The following ATP1A4 variants were observed in gnomAD, a reference collection of about 807,000 sequenced individuals.
The protein encoded by ATP1A4 is ATPase Na+/K+ transporting subunit alpha 4.
In ATP1A4, 90 loss-of-function variants were observed where a neutral mutation model predicts 114.3. That is an observed-to-expected ratio of 0.79 (90% CI 0.66 to 0.94). The LOEUF is 0.94. Among genes scored for constraint, ATP1A4 ranks in the 40% least tolerant of loss-of-function variants. The pLI, the probability that ATP1A4 is intolerant of heterozygous loss-of-function variation, is 0.00. For missense variants in ATP1A4, 1,222 were observed against 1,313.6 expected (o/e 0.93, Z 1.08); for synonymous variants, 511 against 494.1 (o/e 1.03, Z -0.45).
At chr1:160,171,500 G>C in intron 11 of ATP1A4, 60 bp downstream of exon 11, 1 of 1,601,122 alleles carries the variant, frequency 6.2e-7, no homozygotes, top group Non-Finnish European at 8.5e-7. Context: ...TTATCCCTGG[G>C]GTGAGAAATC....
chr1:160,163,528 G>A (rs757917373), intron 6 of ATP1A4, among the ~76,000 whole-genome samples: 4 of 152,118 alleles, frequency 2.6e-5, no homozygotes, highest in Non-Finnish European at 5.9e-5. Flanking sequence ...GATATTACAA[G>A]GATACAGATG....
chr1:160,177,655 A>G lies in ATP1A4; in HGVS notation c.2727A>G (p.Gly909=), dbSNP rs1313317930. ...TGAATGACCTGGAGGACAGCTACGG[A>G]CAGCAGTGGGTGAGTAGAAGGGATA... is the stretch of plus-strand genomic sequence containing the variant. ...KYLNDLEDSY[G]QQWTYEQRKV... The change falls in exon 18 of 22, where the codon GGA becomes GGG. Residue 909 remains glycine (G), a synonymous_variant. Transcript: ENST00000368081. The G allele has an allele frequency of 1.2e-6, 2 of 1,614,208 alleles. No individual in the cohort carries two copies. Among genetic ancestry groups the G allele is most frequent in the East Asian group, 4.5e-5 (2 of 44,884 alleles).
chr1:160,155,801 G>A (rs1326536423), intron 3 of ATP1A4, among the ~76,000 whole-genome samples: 1 of 152,088 alleles, frequency 6.6e-6, no homozygotes, highest in African/African-American at 2.4e-5. Flanking sequence ...CCTTCCTGGA[G>A]AGAAAGATAC....
intron 21 of ATP1A4, 91 bp downstream of exon 21, chr1:160,186,458 T>C: frequency 8.6e-7 from 1 of 1,162,290 alleles, no homozygotes; most frequent in Non-Finnish European, 1.3e-6. Flanking sequence ...GACCCACCAC[T>C]GACTTTCTCC....
chr1:160,181,592 C>A, intron 18 of ATP1A4, 92 bp from the exon 19 acceptor site: 1 of 1,443,480 alleles, frequency 6.9e-7, no homozygotes, highest in South Asian at 1.3e-5. Context: ...CCTGACTCAG[C>A]CCAGGGGTCC....
At position 160,181,554 on chromosome 1, in the gene ATP1A4, T is replaced by C. The variant is rs1330011570; in HGVS notation, c.2737-130T>C. The C allele has an allele frequency of 7.8e-6, 7 of 893,526 alleles. No homozygotes were observed. The African/African-American group carries it at 1.8e-4, about 23-fold the overall frequency. The allele number at this position is 893,526 out of a possible 1,614,324, so 55.3% of individuals were successfully genotyped here. Reference sequence around the variant, plus strand: ...TAGGCAACAAGAGCGAGACTTAGTCTCAAAAAAAAAAAAAAAAAGAATGAG... The same window carrying C: ...TAGGCAACAAGAGCGAGACTTAGTCCCAAAAAAAAAAAAAAAAAGAATGAG... On this transcript the variant is annotated intron_variant, in intron 18 of 21. Coordinates refer to ENST00000368081, the MANE Select transcript of ATP1A4 (RefSeq NM_144699.4).
rs1653404335 is a variant in ATP1A4, at chr1:160,174,806, T to C, written c.2311+59T>C. 1.1e-5 allele frequency: 17 copies of C among 1,603,100 alleles called. No homozygotes were observed. The Middle Eastern group carries it at 6.5e-4, about 61-fold the overall frequency. ...AACCCTGGACTCAGGTGGGGGTTGG[T>C]GTACATCCCCTCTTTCCGTTTTCCC... On this transcript the variant is annotated intron_variant, in intron 15 of 21. Coordinates refer to ENST00000368081, the MANE Select transcript of ATP1A4 (RefSeq NM_144699.4).
At position 160,156,112 on chromosome 1, in the gene ATP1A4, C is replaced by A; in HGVS notation, c.479C>A (p.Ala160Asp). ...GGCTGCTTCTCCTATTATCAGGAGG[C>A]CAAGAGCTCCAAGATCATGGAGTCT... The part of the protein sequence containing the change: ...VTGCFSYYQE[A>D]KSSKIMESFK... The change falls in exon 4 of 22, where the codon GCC becomes GAC. Residue 160 changes from alanine to aspartate, a missense_variant. Physicochemically the swap from Ala to Asp is moderately radical, Grantham distance 126. Transcript: ENST00000368081. 6.2e-7 allele frequency: 1 copy of A among 1,613,888 alleles called. No homozygotes were observed. Among genetic ancestry groups the A allele is most frequent in the South Asian group, 1.1e-5 (1 of 91,064 alleles).
chr1:160,160,351 G>A (rs193216595), intron 6 of ATP1A4, among the ~76,000 whole-genome samples: 1 of 151,926 alleles, frequency 6.6e-6, no homozygotes, highest in Non-Finnish European at 1.5e-5. Context: ...CGAGTAGCTG[G>A]GATTACAGGT....
At chr1:160,176,648 C>T in intron 17 of ATP1A4, 46 bp downstream of exon 17, 3 of 1,597,706 alleles carry the variant, frequency 1.9e-6, no homozygotes, top group Non-Finnish European at 2.6e-6. Context: ...GAGTGGTTTC[C>T]CCTGCCTGGC....
intron 10 of ATP1A4, 129 bp downstream of exon 10, chr1:160,167,541 A>C (rs1324812746): frequency 3.1e-6 from 4 of 1,272,568 alleles, no homozygotes; most frequent in Non-Finnish European, 4.4e-6. Flanking sequence ...CCTGCATCCC[A>C]ATTAACGGAA....
At chr1:160,185,459 G>T (rs542552221) in intron 20 of ATP1A4, among the ~76,000 whole-genome samples, 15 of 151,772 alleles carry the variant, frequency 9.9e-5, no homozygotes, top group African/African-American at 2.9e-4. Context: ...CTCCACTCCC[G>T]ATCACTAATC....
chr1:160,182,134 G>A (rs1184511934), intron 20 of ATP1A4, 103 bp downstream of exon 20: 1 of 905,852 alleles, frequency 1.1e-6, no homozygotes, highest in Non-Finnish European at 1.8e-6. Context: ...GAGCTGCCTG[G>A]ATACATGGAG....
At chr1:160,154,047 T>C (rs918267966) in intron 2 of ATP1A4, among the ~76,000 whole-genome samples, 1 of 152,182 alleles carries the variant, frequency 6.6e-6, no homozygotes, top group Non-Finnish European at 1.5e-5. Context: ...TTCATGTTTT[T>C]TGTTAGTATT....
chr1:160,176,595 A>G lies in ATP1A4; in HGVS notation c.2583A>G (p.Gly861=). Residue 861 remains glycine (G), a synonymous_variant, in exon 17 of 22, where the codon GGA becomes GGG. Coordinates refer to ENST00000368081, the MANE Select transcript of ATP1A4 (RefSeq NM_144699.4). The stretch of plus-strand genomic sequence containing the variant: ...ACCGTCTCATTGGCATGGCCTATGG[A>G]CAGATTGGTGCGCCCAGAGGAATGA... ...VNHRLIGMAY[G]QIGMIQALAG... is the part of the protein sequence containing the mutation. 1 of 1,614,024 alleles carries G rather than the reference A, an allele frequency of 6.2e-7. No individual in the cohort carries two copies.
chr1:160,183,098 C>T (rs1653766406), intron 20 of ATP1A4: 1 of 152,204 alleles, frequency 6.6e-6, no homozygotes, highest in South Asian at 2.1e-4. Context: ...TTGGCACTGG[C>T]CTTAGACACT....
intron 18 of ATP1A4, among the ~76,000 whole-genome samples, chr1:160,179,882 T>C (rs144644833): frequency 8.5e-5 from 13 of 152,248 alleles, no homozygotes; most frequent in Admixed American, 3.3e-4. Context: ...ACTAGAATAC[T>C]AGAGTGAGAT....
At chr1:160,157,292 T>C (rs1449957641) in intron 4 of ATP1A4, among the ~76,000 whole-genome samples, 1 of 152,198 alleles carries the variant, frequency 6.6e-6, no homozygotes, top group Non-Finnish European at 1.5e-5. Context: ...ACCCAGGTAA[T>C]AAGCATAGTA....
chr1:160,165,603 CAAAAA>C (rs554223969), intron 7 of ATP1A4, among the ~76,000 whole-genome samples: 2 of 148,780 alleles, frequency 1.3e-5, no homozygotes, highest in East Asian at 3.9e-4. Context: ...ACTAAAAATA[CAAAAA>C]AAAAATTAGA....
Sources: gnomAD v4.1 joint callset for allele counts (sites outside exome capture counted in the v4.1 genomes callset) on GRCh38, gnomAD v4.1.1 for gene constraint, MANE v1.5 for transcripts, NCBI Gene and HGNC (gene_info 2026-07-23, HGNC 2026-07-21) for gene names.